The following TRIM37 variants were observed in gnomAD, a reference collection of about 807,000 sequenced individuals.
TRIM37 encodes tripartite motif containing 37, also known as E3 ubiquitin-protein ligase TRIM37.
In TRIM37, 80 loss-of-function variants were observed where a neutral mutation model predicts 129.8. The observed-to-expected ratio is 0.62, with a 90% CI of 0.51 to 0.74. The LOEUF (loss-of-function observed/expected upper bound fraction) is 0.74. Ranked by LOEUF, TRIM37 falls within the 30% of genes least tolerant of loss-of-function variation. The pLI is 0.00. For synonymous variants in TRIM37, 389 were observed against 387.1 expected (o/e 1.00, Z -0.06); for missense variants, 1,054 against 1,176.5 (o/e 0.90, Z 1.52).
chr17:59,106,542 G>C lies in TRIM37; in HGVS notation c.-81C>G. The stretch of plus-strand genomic sequence containing the variant: ...CTTAGGCGCCGGCCCGAGGTCGCCA[G>C]ATCAAATCGCCGATAAAAGCCCGGC... On this transcript the variant is annotated 5_prime_UTR_variant, in exon 1 of 24. In the 5' UTR this introduces an upstream ATG that the reference lacks. Transcript: ENST00000262294. 6.4e-7 allele frequency: 1 copy of C among 1,564,940 alleles called. No homozygotes were observed.
At chr17:59,031,442 T>C (rs1568025946) in intron 18 of TRIM37, among the ~76,000 whole-genome samples, 1 of 152,220 alleles carries the variant, frequency 6.6e-6, no homozygotes, top group Non-Finnish European at 1.5e-5. Flanking sequence ...GTAATTTCTA[T>C]TTAACAAATA....
chr17:59,106,306 G>C (rs1477660379), intron 1 of TRIM37, 135 bp downstream of exon 1: 39 of 1,041,550 alleles, frequency 3.7e-5, no homozygotes, highest in Non-Finnish European at 5.6e-5. Flanking sequence ...CTTGGTACCG[G>C]GCCAGCCCTC....
In TRIM37 at chr17:59,077,498, A is replaced by G. The variant is rs571206130; in HGVS notation, c.617-1784T>C. Among the ~76,000 whole-genome samples the G allele has an allele frequency of 1.1e-4, 17 of 152,226 alleles. No individual in the cohort carries two copies. The South Asian group carries it at 3.1e-3, about 28-fold the overall frequency. On this transcript the variant is annotated intron_variant, in intron 7 of 23. Coordinates refer to ENST00000262294, the MANE Select transcript of TRIM37 (RefSeq NM_015294.6). ...ACATTAGCCTATGGACAACATTACA[A>G]TACATAATTAAACTTAAAAATGAGT...
At chr17:59,082,068 G>A (rs1190046424) in intron 5 of TRIM37, among the ~76,000 whole-genome samples, 1 of 150,690 alleles carries the variant, frequency 6.6e-6, no homozygotes, top group African/African-American at 2.4e-5. Flanking sequence ...TCAGGAGTTC[G>A]AGACCAGCCT....
At chr17:59,097,739 T>TA (rs1186295922) in intron 2 of TRIM37, among the ~76,000 whole-genome samples, 2 of 151,462 alleles carry the variant, frequency 1.3e-5, no homozygotes, top group African/African-American at 4.9e-5. Flanking sequence ...CTCAAAACAA[T>TA]AAAAAACAAA....
intron 22 of TRIM37, among the ~76,000 whole-genome samples, chr17:59,009,782 A>G (rs544547079): frequency 1.3e-5 from 2 of 152,112 alleles, no homozygotes; most frequent in African/African-American, 4.8e-5. Flanking sequence ...ACTTTGGGTA[A>G]GGTAAATTAC....
intron 22 of TRIM37, among the ~76,000 whole-genome samples, chr17:59,002,648 T>C (rs543472414): frequency 3.3e-5 from 5 of 152,302 alleles, no homozygotes; most frequent in African/African-American, 7.2e-5. Flanking sequence ...AATAGCAAGA[T>C]AAAATATAAA....
chr17:59,104,476 T>C, intron 1 of TRIM37, 82 bp from the exon 2 acceptor site: 1 of 1,211,608 alleles, frequency 8.3e-7, no homozygotes, highest in South Asian at 1.2e-5. Context: ...CAACTTGACA[T>C]TTACATTTAT....
rs760099670 is a variant in TRIM37, at chr17:59,064,304, C to T, written c.860+51G>A. Reference sequence around the variant, plus strand: ...GTCTTACCAAAGAATACCTTTCTGGCTCTTCCTTATATACACATACAAAAA... The same window carrying T: ...GTCTTACCAAAGAATACCTTTCTGGTTCTTCCTTATATACACATACAAAAA... On this transcript the variant is annotated intron_variant, in intron 10 of 23. Transcript: ENST00000262294. 2.2e-4 allele frequency: 306 copies of T among 1,381,492 alleles called. 1 individual carries two copies. Among genetic ancestry groups the T allele is most frequent in the Non-Finnish European group, 2.9e-4 (289 of 991,190 alleles). 85.6% of individuals were successfully genotyped at this position (1,381,492 alleles called of 1,614,324 possible).
chr17:59,028,238 T>A lies in TRIM37; in HGVS notation c.2257+177A>T, dbSNP rs184272674. Among the ~76,000 whole-genome samples the A allele has an allele frequency of 5.3e-5, 8 of 152,348 alleles. No homozygotes were observed. In the East Asian group the frequency reaches 9.6e-4, roughly 18 times the overall value. On this transcript the variant is annotated intron_variant, in intron 19 of 23. Transcript: ENST00000262294. ...AGAGTAAGCAATCAAGAAATGTTAG[T>A]TCTATTATATAGTAAAAATATACGG...
chr17:59,042,437 A>ATATATATATATATAT (rs2039298010), intron 16 of TRIM37, among the ~76,000 whole-genome samples: 2 of 74,246 alleles, frequency 2.7e-5, no homozygotes, highest in African/African-American at 1.4e-4. Context: ...AATTTAAAAA[A>ATATATATATATATAT]AAAAAAAAAA....
intron 17 of TRIM37, among the ~76,000 whole-genome samples, chr17:59,039,962 A>G (rs188778750): frequency 1.1e-3 from 168 of 152,216 alleles, no homozygotes; most frequent in Middle Eastern, 3.4e-3. Flanking sequence ...CAGTGGTGCT[A>G]TCTCAGCTTA....
rs1030724665 is a variant in TRIM37, at chr17:59,028,586, G to C, written c.2086C>G (p.Leu696Val). 1 of 1,614,232 alleles carries C rather than the reference G, an allele frequency of 6.2e-7. No homozygotes were observed. Among genetic ancestry groups the C allele is most frequent in the East Asian group, 2.2e-5 (1 of 44,886 alleles). ...GCACTGCTGCTTTTTATTTCTGAAA[G>C]TGTATTCTTTACATCAGTTTTCATA... is the stretch of plus-strand genomic sequence containing the variant. ...RCMKTDVKNTLSEIKSSSAAS... is the reference protein window; with the variant it reads ...RCMKTDVKNTVSEIKSSSAAS... The change falls in exon 19 of 24, where the codon CTT becomes GTT. Residue 696 changes from leucine to valine, a missense_variant. Around this residue, in one of 3 missense-constraint regions of TRIM37, gnomAD observed 752 missense variants for 870.8 expected, o/e 0.86. Coordinates refer to ENST00000262294, the MANE Select transcript of TRIM37 (RefSeq NM_015294.6).
intron 2 of TRIM37, among the ~76,000 whole-genome samples, chr17:59,100,784 A>G (rs2045381977): frequency 6.6e-6 from 1 of 152,176 alleles, no homozygotes; most frequent in Admixed American, 6.5e-5. Context: ...GCACTTTGGG[A>G]GGCTGAGGTG....
chr17:58,976,592 A>G, the TRIM37 span, among the ~76,000 whole-genome samples: 1 of 152,328 alleles, frequency 6.6e-6, no homozygotes, highest in Non-Finnish European at 1.5e-5. Context: ...AAGTTGACAG[A>G]GGCATGATAT....
chr17:59,096,193 A>G (rs942169064), intron 2 of TRIM37, among the ~76,000 whole-genome samples: 2 of 152,154 alleles, frequency 1.3e-5, no homozygotes, highest in Admixed American at 6.5e-5. Flanking sequence ...ATACAGAACT[A>G]AATAAGCCAG....
rs370292263 is a variant in TRIM37, at chr17:59,106,360, G to A, written c.21+81C>T. On this transcript the variant is annotated intron_variant, in intron 1 of 23. Coordinates refer to ENST00000262294, the MANE Select transcript of TRIM37 (RefSeq NM_015294.6). ...GGGTAGGGGTGCCCTACTGGAGGGAGGACATGGGCACGACTCCCCGAATAA... is the reference window on the plus strand; with the variant it reads ...GGGTAGGGGTGCCCTACTGGAGGGAAGACATGGGCACGACTCCCCGAATAA... 25 of 1,564,938 alleles carry A rather than the reference G, an allele frequency of 1.6e-5. No individual in the cohort carries two copies. In the African/African-American group the frequency reaches 2.6e-4, roughly 16 times the overall value.
the TRIM37 span, among the ~76,000 whole-genome samples, chr17:58,976,006 T>A: frequency 2.0e-5 from 3 of 150,968 alleles, no homozygotes; most frequent in East Asian, 5.9e-4. Context: ...AGATTTAGTT[T>A]CTTGGGCAGT....
intron 11 of TRIM37, among the ~76,000 whole-genome samples, 173 bp from the exon 12 acceptor site, chr17:59,061,281 TA>T (rs929651741): frequency 1.3e-4 from 19 of 150,012 alleles, no homozygotes; most frequent in East Asian, 9.7e-4. Flanking sequence ...TTTTGTGCAT[TA>T]AAAAAAAAGT....
Sources: gnomAD v4.1 joint callset for allele counts (sites outside exome capture counted in the v4.1 genomes callset) on GRCh38, gnomAD v4.1.1 for gene constraint, gnomAD v4.1.1 regional missense constraint, MANE v1.5 for transcripts, NCBI Gene and HGNC (gene_info 2026-07-23, HGNC 2026-07-21) for gene names.